Variants in SGCD observed in about 807,000 individuals in gnomAD.
SGCD encodes the protein sarcoglycan delta.
Under a neutral mutation model 36.6 loss-of-function variants are expected in SGCD, and 18 were observed. The ratio of observed to expected loss-of-function variants is 0.49; its 90% CI spans 0.34 to 0.73. The LOEUF is 0.73. Among genes scored for constraint, SGCD ranks in the 30% least tolerant of loss-of-function variants. The pLI, the probability that SGCD is intolerant of heterozygous loss-of-function variation, is 0.01. For missense variants in SGCD, 387 were observed against 346.7 expected (o/e 1.12, Z -0.92); for synonymous variants, 133 against 130.6 (o/e 1.02, Z -0.12).
intron 1 of SGCD, among the ~76,000 whole-genome samples, chr5:156,039,565 A>G (rs1379766267): frequency 2.6e-5 from 4 of 152,230 alleles, no homozygotes; most frequent in East Asian, 1.9e-4. Flanking sequence ...GTTGAATAAA[A>G]TAATAAACTG....
chr5:156,539,671 G>A (rs1315557288), intron 4 of SGCD, among the ~76,000 whole-genome samples: 1 of 152,062 alleles, frequency 6.6e-6, no homozygotes, highest in Non-Finnish European at 1.5e-5. Context: ...GATGGGCACT[G>A]AGGTTGGTTC....
intron 1 of SGCD, among the ~76,000 whole-genome samples, chr5:155,943,791 A>G (rs1757381819): frequency 6.6e-6 from 1 of 152,192 alleles, no homozygotes; most frequent in African/African-American, 2.4e-5. Context: ...ACTCAAATGT[A>G]GGGATTTACT....
chr5:156,510,455 T>C (rs1211995918), intron 4 of SGCD, among the ~76,000 whole-genome samples: 1 of 152,244 alleles, frequency 6.6e-6, no homozygotes, highest in Non-Finnish European at 1.5e-5. Context: ...TTAGTTGTCA[T>C]TGACCTATTT....
intron 2 of SGCD, among the ~76,000 whole-genome samples, chr5:156,343,847 A>G (rs1287434704): frequency 6.6e-6 from 1 of 152,190 alleles, no homozygotes; most frequent in Admixed American, 6.5e-5. Context: ...AACGGTTAGA[A>G]TTGCCTAACT....
At chr5:156,710,296 C>T (rs1184222824) in intron 7 of SGCD, among the ~76,000 whole-genome samples, 1 of 152,150 alleles carries the variant, frequency 6.6e-6, no homozygotes, top group African/African-American at 2.4e-5. Context: ...AAATGTGCCT[C>T]TTTGAGAAAA....
chr5:156,225,292 A>G (rs1175537527), intron 3 of SGCD, among the ~76,000 whole-genome samples: 2 of 152,166 alleles, frequency 1.3e-5, no homozygotes, highest in African/African-American at 4.8e-5. Flanking sequence ...ACCTTGAAAT[A>G]TTAGATTTTT....
intron 3 of SGCD, among the ~76,000 whole-genome samples, chr5:156,194,656 TTATAA>T (rs1462898947): frequency 6.6e-6 from 1 of 151,958 alleles, no homozygotes; most frequent in Non-Finnish European, 1.5e-5. Flanking sequence ...GTAATTAATA[TTATAA>T]TATAATTGAC....
At chr5:156,122,884 A>T (rs1369491656) in intron 2 of SGCD, among the ~76,000 whole-genome samples, 1 of 137,816 alleles carries the variant, frequency 7.3e-6, no homozygotes, top group South Asian at 2.4e-4. Context: ...AAAAAAAAAA[A>T]GGTCAGCTGC....
At chr5:156,377,247 T>C (rs967334440) in intron 3 of SGCD, among the ~76,000 whole-genome samples, 2 of 152,180 alleles carry the variant, frequency 1.3e-5, no homozygotes, top group African/African-American at 4.8e-5. Flanking sequence ...TAGAATGTGG[T>C]TTTAAATTTG....
chr5:156,084,808 A>G (rs1761054442), intron 1 of SGCD, among the ~76,000 whole-genome samples: 1 of 152,188 alleles, frequency 6.6e-6, no homozygotes, highest in Non-Finnish European at 1.5e-5. Context: ...TTCATTAAGT[A>G]TGGTGTTAGA....
chr5:156,555,408 G>A (rs756072542), intron 4 of SGCD, among the ~76,000 whole-genome samples: 5 of 152,066 alleles, frequency 3.3e-5, no homozygotes, highest in Admixed American at 6.6e-5. Context: ...ATGTTGTTAG[G>A]TAGAGGGCCG....
the SGCD span, among the ~76,000 whole-genome samples, chr5:155,799,786 T>C: frequency 6.8e-6 from 1 of 147,792 alleles, no homozygotes; most frequent in Non-Finnish European, 1.5e-5. Flanking sequence ...GCTTTTATCC[T>C]CTCCTTATTT....
At chr5:156,256,451 T>A (rs1469682898) in intron 3 of SGCD, among the ~76,000 whole-genome samples, 2 of 152,234 alleles carry the variant, frequency 1.3e-5, no homozygotes. Flanking sequence ...GTAGTTCTCC[T>A]CTCACTTAAC....
intron 3 of SGCD, among the ~76,000 whole-genome samples, chr5:156,503,525 C>T (rs947435640): frequency 3.3e-5 from 5 of 152,170 alleles, no homozygotes; most frequent in Non-Finnish European, 7.3e-5. Context: ...AGAAACCCAG[C>T]AGGAACCATA....
intron 1 of SGCD, among the ~76,000 whole-genome samples, chr5:156,015,901 T>A (rs762193012): frequency 1.4e-5 from 2 of 147,620 alleles, no homozygotes; most frequent in Non-Finnish European, 3.0e-5. Context: ...CACATATATT[T>A]TATATATATA....
At chr5:156,605,999 C>T (rs544999581) in intron 6 of SGCD, among the ~76,000 whole-genome samples, 17 of 152,186 alleles carry the variant, frequency 1.1e-4, no homozygotes, top group East Asian at 3.9e-4. Flanking sequence ...GTGGGTTGCC[C>T]GTTCACTCTG....
chr5:156,566,239 T>C (rs1042982716), intron 4 of SGCD, among the ~76,000 whole-genome samples: 2 of 152,088 alleles, frequency 1.3e-5, no homozygotes, highest in Non-Finnish European at 2.9e-5. Flanking sequence ...TTGGTGAGAG[T>C]GTAAATAAAT....
chr5:156,524,546 C>A (rs372253729), intron 4 of SGCD, among the ~76,000 whole-genome samples: 7 of 151,268 alleles, frequency 4.6e-5, no homozygotes, highest in Non-Finnish European at 1.0e-4. Flanking sequence ...ATAATAAAAC[C>A]AATAACGTAT....
chr5:156,384,729 A>G (rs1017367671), intron 3 of SGCD, among the ~76,000 whole-genome samples: 1 of 152,288 alleles, frequency 6.6e-6, no homozygotes, highest in Non-Finnish European at 1.5e-5. Context: ...GGTAGTTTCT[A>G]AGAGATTTTA....
Sources: allele counts gnomAD v4.1 joint callset (sites outside exome capture counted in the v4.1 genomes callset), GRCh38; gene constraint gnomAD v4.1.1; transcripts MANE v1.5; gene names NCBI Gene and HGNC (gene_info 2026-07-23, HGNC 2026-07-21).